The following CDH12 variants were observed in gnomAD, a reference collection of about 807,000 sequenced individuals.
The protein encoded by CDH12 is cadherin-12.
Under a neutral mutation model 74.1 loss-of-function variants are expected in CDH12, and 41 were observed. The observed-to-expected ratio is 0.55, with a 90% CI of 0.43 to 0.72. The LOEUF (loss-of-function observed/expected upper bound fraction) is 0.72. CDH12 is among the 30% of genes least tolerant of loss of function. The pLI, the probability that CDH12 is intolerant of heterozygous loss-of-function variation, is 0.00. For synonymous variants in CDH12, 399 were observed against 355.0 expected (o/e 1.12, Z -1.39); for missense variants, 945 against 977.2 (o/e 0.97, Z 0.44).
intron 1 of CDH12, among the ~76,000 whole-genome samples, chr5:22,617,081 C>G (rs1480953338): frequency 6.6e-6 from 1 of 151,876 alleles, no homozygotes; most frequent in East Asian, 1.9e-4. Context: ...CATTATGTTA[C>G]CCAGGCTGGT....
intron 1 of CDH12, among the ~76,000 whole-genome samples, chr5:22,820,899 C>T (rs1272676208): frequency 6.6e-6 from 1 of 152,120 alleles, no homozygotes; most frequent in Non-Finnish European, 1.5e-5. Context: ...CCAGCATCAT[C>T]CTGATACCAA....
chr5:22,120,589 T>C (rs1368170814), intron 4 of CDH12, among the ~76,000 whole-genome samples: 1 of 152,158 alleles, frequency 6.6e-6, no homozygotes, highest in Non-Finnish European at 1.5e-5. Context: ...TGTTCTTTAA[T>C]ATATGGAAAT....
In CDH12 at chr5:21,778,740, T is replaced by C. The variant is rs368760745; in HGVS notation, c.1393+4618A>G. Among the ~76,000 whole-genome samples, 5 of 152,114 alleles carry C rather than the reference T, an allele frequency of 3.3e-5. No individual in the cohort carries two copies. The East Asian group carries it at 5.8e-4, about 18-fold the overall frequency. On this transcript the variant is annotated intron_variant, in intron 11 of 14. Transcript: ENST00000382254. ...CCTTAAGAATAGATATCATTCCTAA[T>C]CAGTTTTCTCCTAACCCACAACAAA...
intron 2 of CDH12, among the ~76,000 whole-genome samples, chr5:22,434,395 C>T (rs759280045): frequency 6.6e-6 from 1 of 151,940 alleles, no homozygotes; most frequent in Non-Finnish European, 1.5e-5. Flanking sequence ...TTACAAATTA[C>T]CTCCTCCATT....
chr5:22,722,163 T>C (rs1743932343), intron 1 of CDH12, among the ~76,000 whole-genome samples: 1 of 152,216 alleles, frequency 6.6e-6, no homozygotes, highest in Non-Finnish European at 1.5e-5. Context: ...GTTATTTGTT[T>C]CCCTACTGTT....
At chr5:22,111,257 G>GT (rs1203886499) in intron 4 of CDH12, among the ~76,000 whole-genome samples, 1 of 151,996 alleles carries the variant, frequency 6.6e-6, no homozygotes, top group African/African-American at 2.4e-5. Flanking sequence ...ATATTTATTT[G>GT]TCAACTGATT....
At chr5:22,044,161 A>G (rs1483956128) in intron 5 of CDH12, among the ~76,000 whole-genome samples, 2 of 152,236 alleles carry the variant, frequency 1.3e-5, no homozygotes, top group East Asian at 3.8e-4. Flanking sequence ...AGCTGTAGTC[A>G]TCATACTTCC....
chr5:22,793,414 A>G (rs1748020432), intron 1 of CDH12, among the ~76,000 whole-genome samples: 1 of 152,182 alleles, frequency 6.6e-6, no homozygotes, highest in South Asian at 2.1e-4. Flanking sequence ...TTTTCAAGTT[A>G]CCACTTTAAC....
intron 6 of CDH12, among the ~76,000 whole-genome samples, chr5:21,922,280 T>C (rs1426348440): frequency 1.3e-5 from 2 of 152,132 alleles, no homozygotes; most frequent in Non-Finnish European, 2.9e-5. Flanking sequence ...CAGGATCATA[T>C]AAAAAAGCAT....
intron 5 of CDH12, among the ~76,000 whole-genome samples, chr5:22,018,522 G>A (rs1056976296): frequency 3.9e-5 from 6 of 152,162 alleles, no homozygotes; most frequent in Non-Finnish European, 8.8e-5. Context: ...GTGGATGAAT[G>A]AATGGGCAAA....
chr5:22,513,699 G>C (rs914786367), intron 1 of CDH12, among the ~76,000 whole-genome samples: 1 of 152,068 alleles, frequency 6.6e-6, no homozygotes, highest in African/African-American at 2.4e-5. Context: ...TGTAATCCCA[G>C]CACTTTGGGA....
chr5:22,077,724 A>G (rs1580212948), intron 5 of CDH12, among the ~76,000 whole-genome samples: 1 of 152,142 alleles, frequency 6.6e-6, no homozygotes, highest in Non-Finnish European at 1.5e-5. Flanking sequence ...AGTAAAACAT[A>G]ACTGTCCTGA....
chr5:22,808,018 A>G (rs1337438168), intron 1 of CDH12, among the ~76,000 whole-genome samples: 1 of 152,248 alleles, frequency 6.6e-6, no homozygotes, highest in African/African-American at 2.4e-5. Context: ...TTTCAGCTTC[A>G]TTATAATCTT....
At chr5:22,783,301 C>A (rs1001440997) in intron 1 of CDH12, among the ~76,000 whole-genome samples, 1 of 151,266 alleles carries the variant, frequency 6.6e-6, no homozygotes, top group Non-Finnish European at 1.5e-5. Flanking sequence ...GACACACTAT[C>A]CCAGTGAATT....
At chr5:22,737,922 C>A (rs769931350) in intron 1 of CDH12, among the ~76,000 whole-genome samples, 49 of 152,086 alleles carry the variant, frequency 3.2e-4, no homozygotes, top group Non-Finnish European at 5.9e-4. Flanking sequence ...AGCCTTTGTC[C>A]AGTTCTTCAT....
chr5:22,826,165 C>G (rs1707070), intron 1 of CDH12, among the ~76,000 whole-genome samples: 119,320 of 151,952 alleles, frequency 0.79, 47,050 homozygotes, highest in African/African-American at 0.83. Context: ...AATTATGGGG[C>G]TGGGTCTTTC....
intron 2 of CDH12, among the ~76,000 whole-genome samples, chr5:22,487,570 CA>C (rs1046451034): frequency 7.2e-5 from 11 of 151,810 alleles, no homozygotes; most frequent in African/African-American, 2.7e-4. Flanking sequence ...AAAGCAAAAA[CA>C]AAAACAAAAT....
chr5:22,163,884 T>G (rs1294766495), intron 4 of CDH12, among the ~76,000 whole-genome samples: 2 of 152,190 alleles, frequency 1.3e-5, no homozygotes, highest in Non-Finnish European at 2.9e-5. Flanking sequence ...TAGATGAGAC[T>G]TCTAATAAAG....
chr5:22,186,048 G>A (rs1473504551), intron 4 of CDH12, among the ~76,000 whole-genome samples: 2 of 152,118 alleles, frequency 1.3e-5, no homozygotes, highest in Admixed American at 6.5e-5. Flanking sequence ...AATTGCATCT[G>A]GGCATCTTCT....
Sources: gnomAD v4.1 joint callset for allele counts (sites outside exome capture counted in the v4.1 genomes callset) on GRCh38, gnomAD v4.1.1 for gene constraint, MANE v1.5 for transcripts, NCBI Gene and HGNC (gene_info 2026-07-23, HGNC 2026-07-21) for gene names.